ARFIP1: variants seen among roughly 807,000 people sequenced by gnomAD.
ARFIP1 encodes arfaptin-1.
A neutral mutation model predicts 42.5 loss-of-function variants in ARFIP1; 24 were observed. The observed-to-expected ratio is 0.57, with a 90% CI of 0.41 to 0.80. The LOEUF is 0.80. ARFIP1 is among the 30% of genes least tolerant of loss of function. The pLI is 0.00. For synonymous variants in ARFIP1, 141 were observed against 153.7 expected (o/e 0.92, Z 0.61); for missense variants, 354 against 434.0 (o/e 0.82, Z 1.64).
At chr4:152,859,315 A>G (rs574009254) in intron 2 of ARFIP1, among the ~76,000 whole-genome samples, 2 of 152,060 alleles carry the variant, frequency 1.3e-5, no homozygotes, top group African/African-American at 2.4e-5. Context: ...TCTTGTCTCA[A>G]CCTCCCAAAG....
chr4:152,854,636 A>G (rs1046002962), intron 2 of ARFIP1, among the ~76,000 whole-genome samples: 2 of 152,176 alleles, frequency 1.3e-5, no homozygotes, highest in Admixed American at 6.5e-5. Context: ...CTGAAGTTGT[A>G]TCTATGCTAT....
chr4:152,818,017 T>C (rs775291461), intron 1 of ARFIP1, among the ~76,000 whole-genome samples: 8 of 152,192 alleles, frequency 5.3e-5, no homozygotes, highest in Non-Finnish European at 1.0e-4. Context: ...AAATGTAAAA[T>C]GATGCAGCTG....
At chr4:152,835,027 A>C (rs1731540760) in intron 2 of ARFIP1, among the ~76,000 whole-genome samples, 1 of 152,152 alleles carries the variant, frequency 6.6e-6, no homozygotes, top group Non-Finnish European at 1.5e-5. Context: ...CTTTTCTTCT[A>C]GGCCTCTGGT....
rs746459756 is a variant in ARFIP1 at position 152,888,181 on chromosome 4, A to C, written c.840A>C (p.Gly280=). 6.2e-7 allele frequency: 1 copy of C among 1,612,066 alleles called. No homozygotes were observed. The highest frequency in any genetic ancestry group is 8.5e-7 in the Non-Finnish European group (1 of 1,179,044). The change falls in exon 8 of 9, where the codon GGA becomes GGC. Residue 280 remains glycine (G), a synonymous_variant. Transcript: ENST00000353617. The part of the protein sequence containing the change: ...YRTDLEELNL[G]PRDANTLPKI... ...CTGATTTGGAAGAACTGAATCTTGG[A>C]CCACGTGACGCAAACACTCTGCCAA... is the stretch of plus-strand genomic sequence containing the variant.
chr4:152,843,442 G>T (rs1315923841), intron 2 of ARFIP1, among the ~76,000 whole-genome samples: 1 of 152,154 alleles, frequency 6.6e-6, no homozygotes, highest in East Asian at 1.9e-4. Context: ...CTGTAGTAAT[G>T]TGGAGAGGGA....
intron 2 of ARFIP1, among the ~76,000 whole-genome samples, chr4:152,852,602 C>T (rs1268190580): frequency 6.6e-6 from 1 of 150,498 alleles, no homozygotes; most frequent in African/African-American, 2.5e-5. Context: ...CATTGCACTA[C>T]AGCCAGGTGA....
At chr4:152,843,028 C>G (rs1390534922) in intron 2 of ARFIP1, among the ~76,000 whole-genome samples, 1 of 152,034 alleles carries the variant, frequency 6.6e-6, no homozygotes, top group Non-Finnish European at 1.5e-5. Context: ...TTTCCTGGTT[C>G]CTTCTCATTT....
intron 2 of ARFIP1, among the ~76,000 whole-genome samples, chr4:152,850,330 G>A (rs1053666590): frequency 6.6e-6 from 1 of 152,116 alleles, no homozygotes; most frequent in Non-Finnish European, 1.5e-5. Flanking sequence ...CTGAAAATGT[G>A]CCCACCAACA....
intron 1 of ARFIP1, among the ~76,000 whole-genome samples, chr4:152,820,904 C>T (rs564808543): frequency 8.5e-4 from 129 of 152,264 alleles, no homozygotes; most frequent in African/African-American, 2.4e-3. Flanking sequence ...TGAAAGCACC[C>T]GGAGCTGAAG....
At chr4:152,804,720 G>T (rs1728871955) in intron 1 of ARFIP1, among the ~76,000 whole-genome samples, 1 of 151,164 alleles carries the variant, frequency 6.6e-6, no homozygotes, top group South Asian at 2.1e-4. Flanking sequence ...TGGTACCTAG[G>T]TCAGAGATTT....
In ARFIP1 at chr4:152,872,558, C is replaced by T. The variant is rs1204526415; in HGVS notation, c.405C>T (p.Thr135=). ...LELVRKWSLN[T]YKCTRQIISE... is the part of the protein sequence containing the mutation. ...TTGTTAGAAAATGGAGTCTAAACACCTATAAGGTTTGTAATTATTTAATGT... is the reference window on the plus strand; with the variant it reads ...TTGTTAGAAAATGGAGTCTAAACACTTATAAGGTTTGTAATTATTTAATGT... The change falls in exon 5 of 9, where the codon ACC becomes ACT. Residue 135 remains threonine (T), a synonymous_variant. Transcript: ENST00000353617. The T allele has an allele frequency of 1.3e-6, 2 of 1,564,320 alleles. No individual in the cohort carries two copies. Among genetic ancestry groups the T allele is most frequent in the East Asian group, 2.3e-5 (1 of 43,680 alleles).
chr4:152,804,023 T>C (rs1466736065), intron 1 of ARFIP1, among the ~76,000 whole-genome samples: 2 of 135,092 alleles, frequency 1.5e-5, no homozygotes, highest in African/African-American at 5.5e-5. Flanking sequence ...ATATATTATA[T>C]ATAATATAAC....
At chr4:152,814,097 C>CTTTTTT (rs67593845) in intron 1 of ARFIP1, among the ~76,000 whole-genome samples, 6 of 110,888 alleles carry the variant, frequency 5.4e-5, no homozygotes, top group African/African-American at 1.3e-4. Context: ...TCTTCTTCTT[C>CTTTTTT]TTTTTTTTTT....
chr4:152,817,385 A>G (rs1211556037), intron 1 of ARFIP1, among the ~76,000 whole-genome samples: 1 of 152,200 alleles, frequency 6.6e-6, no homozygotes, highest in Non-Finnish European at 1.5e-5. Flanking sequence ...TTAACAAATC[A>G]TGCTGGAAAA....
chr4:152,833,481 C>G (rs374319445), intron 2 of ARFIP1, among the ~76,000 whole-genome samples: 1 of 152,098 alleles, frequency 6.6e-6, no homozygotes. Context: ...TAAAGTAGAA[C>G]GACCATAAGA....
rs189091333 is a variant in ARFIP1 at position 152,832,830 on chromosome 4, T to C, written c.93+3104T>C. On this transcript the variant is annotated intron_variant, in intron 2 of 8. Coordinates refer to ENST00000353617, the MANE Select transcript of ARFIP1 (RefSeq NM_001025595.3). ...TCAGCACTGTTTTTTGAAAAGACTC[T>C]TCTTTCTATACATATGCAAAAAAAT... Among the ~76,000 whole-genome samples, 11 of 152,314 alleles carry C rather than the reference T, an allele frequency of 7.2e-5. No individual in the cohort carries two copies. In the East Asian group the frequency reaches 2.1e-3, roughly 29 times the overall value.
At chr4:152,872,648 A>T (rs1015066440) in intron 5 of ARFIP1, 84 bp downstream of exon 5, 2 of 668,792 alleles carry the variant, frequency 3.0e-6, no homozygotes, top group Non-Finnish European at 4.8e-6. Context: ...TGTTGCAATT[A>T]AATGCACATA....
intron 8 of ARFIP1, among the ~76,000 whole-genome samples, chr4:152,889,664 A>G (rs1455756150): frequency 7.7e-6 from 1 of 130,490 alleles, no homozygotes; most frequent in African/African-American, 2.9e-5. Context: ...GTATATATAC[A>G]CTAATATATA....
At chr4:152,809,756 T>A (rs1295050438) in intron 1 of ARFIP1, 3 of 152,254 alleles carry the variant, frequency 2.0e-5, no homozygotes, top group Non-Finnish European at 4.4e-5. Context: ...CTCATATTTT[T>A]AATTTTGCAT....
Sources: allele counts gnomAD v4.1 joint callset (sites outside exome capture counted in the v4.1 genomes callset), GRCh38; gene constraint gnomAD v4.1.1; transcripts MANE v1.5; gene names NCBI Gene and HGNC (gene_info 2026-07-23, HGNC 2026-07-21).